Variants in C6 observed in about 807,000 individuals in gnomAD.
C6 encodes the protein complement component C6.
A neutral mutation model predicts 112.9 loss-of-function variants in C6; 101 were observed. That is an observed-to-expected ratio of 0.89 (90% CI 0.76 to 1.06). C6 has a LOEUF of 1.06. Among genes scored for constraint, C6 ranks in the 50% least tolerant of loss-of-function variants. The pLI, the probability that C6 is intolerant of heterozygous loss-of-function variation, is 0.00. For missense variants in C6, 1,202 were observed against 1,104.6 expected, an observed-to-expected ratio of 1.09 and a Z score of -1.25; for synonymous variants, 431 against 384.1, an observed-to-expected ratio of 1.12 and a Z score of -1.43.
At chr5:41,214,489 A>C (rs964821160), upstream of C6, among the ~76,000 whole-genome samples, 4 of 152,090 alleles carry the variant, frequency 2.6e-5, no homozygotes, top group African/African-American at 9.7e-5. Context: ...AGATGATCTG[A>C]TTTCCAGTCT....
intron 1 of C6, among the ~76,000 whole-genome samples, chr5:41,249,444 T>G (rs538295244): frequency 6.6e-6 from 1 of 152,340 alleles, no homozygotes; most frequent in South Asian, 2.1e-4. Context: ...TTGTATTTGC[T>G]CCTATAGATA....
intron 1 of C6, 30 bp from the exon 2 acceptor site, chr5:41,203,280 A>C: frequency 1.9e-6 from 3 of 1,610,452 alleles, no homozygotes; most frequent in Non-Finnish European, 2.5e-6. Flanking sequence ...AACACATATC[A>C]AATGCTTTTT....
At chr5:41,206,080 C>A (rs1394011254) in intron 1 of C6, among the ~76,000 whole-genome samples, 1 of 152,184 alleles carries the variant, frequency 6.6e-6, no homozygotes, top group Non-Finnish European at 1.5e-5. Context: ...GTTCTACAGC[C>A]TCCGCTGGTA....
At position 41,149,839 on chromosome 5, in the gene C6, A is replaced by C. The variant is rs528085450; in HGVS notation, c.2381+96T>G. 3.1e-4 allele frequency: 258 copies of C among 837,810 alleles called. 4 individuals carry two copies. In the South Asian group the frequency reaches 3.2e-3, roughly 10 times the overall value. The allele number at this position is 837,810 out of a possible 1,614,324, so 51.9% of individuals were successfully genotyped here. On this transcript the variant is annotated intron_variant, in intron 16 of 17. Transcript: ENST00000337836. ...GTTATGTGGAAAATTCATTTATTTCATGTCTGTGCTTCAAAAAGCTCAGCT... is the reference window on the plus strand; with the variant it reads ...GTTATGTGGAAAATTCATTTATTTCCTGTCTGTGCTTCAAAAAGCTCAGCT...
chr5:41,186,345 C>T (rs924909440), intron 5 of C6, 137 bp from the exon 6 acceptor site: 22 of 917,952 alleles, frequency 2.4e-5, no homozygotes, highest in African/African-American at 7.7e-5. Flanking sequence ...CCCACACCTC[C>T]GCTTTTTTTT....
At chr5:41,146,892 TGGGAAGATAGCAAAAAAA>T (rs1048999792) in intron 17 of C6, among the ~76,000 whole-genome samples, 20 of 151,682 alleles carry the variant, frequency 1.3e-4, no homozygotes, top group African/African-American at 4.4e-4. Flanking sequence ...AAAAAATTTG[TGGGAAGATAGCAAAAAAA>T]GGGAAGATAG....
At chr5:41,196,502 T>A (rs1373026695) in intron 4 of C6, among the ~76,000 whole-genome samples, 4 of 152,002 alleles carry the variant, frequency 2.6e-5, no homozygotes, top group African/African-American at 4.8e-5. Context: ...TATGGGAATT[T>A]TCTATATCTC....
In C6 at chr5:41,181,428, G is replaced by A. The variant is rs1477182192; in HGVS notation, c.858C>T (p.Ser286=). The part of the protein sequence containing the change: ...GSSFSVPIFY[S]SKRSENINHN... ...GGTTGATATTTTCACTTCTCTTTGAGGAATAAAAAATTGGTACACTGAAAG... is the reference window on the plus strand; with the variant it reads ...GGTTGATATTTTCACTTCTCTTTGAAGAATAAAAAATTGGTACACTGAAAG... Residue 286 remains serine, a synonymous_variant, in exon 7 of 18, where the codon TCC becomes TCT. Transcript: ENST00000337836. 2 of 1,613,598 alleles carry A rather than the reference G, an allele frequency of 1.2e-6. No individual in the cohort carries two copies. Among genetic ancestry groups the A allele is most frequent in the South Asian group, 1.1e-5 (1 of 91,072 alleles).
chr5:41,221,722 T>C (rs746856778), intron 1 of C6, among the ~76,000 whole-genome samples: 2 of 152,140 alleles, frequency 1.3e-5, no homozygotes, highest in Non-Finnish European at 2.9e-5. Flanking sequence ...TATTCAATAG[T>C]TATTCAAAAA....
intron 9 of C6, among the ~76,000 whole-genome samples, chr5:41,170,863 T>C (rs1748373467): frequency 2.0e-5 from 3 of 152,130 alleles, no homozygotes; most frequent in Non-Finnish European, 4.4e-5. Flanking sequence ...GAGTTATTTA[T>C]AATGGCAAGG....
intron 5 of C6, among the ~76,000 whole-genome samples, chr5:41,187,539 A>G (rs761057777): frequency 2.6e-5 from 4 of 152,188 alleles, no homozygotes; most frequent in Non-Finnish European, 5.9e-5. Context: ...AGGCGCTTCT[A>G]ACCAAGGGGC....
intron 1 of C6, among the ~76,000 whole-genome samples, chr5:41,231,678 A>T (rs1251632485): frequency 1.3e-5 from 2 of 152,128 alleles, no homozygotes; most frequent in African/African-American, 2.4e-5. Context: ...TTATTTTTTT[A>T]AAGTACTAAT....
intron 9 of C6, among the ~76,000 whole-genome samples, chr5:41,162,467 G>C (rs1205762995): frequency 6.6e-6 from 1 of 152,202 alleles, no homozygotes; most frequent in Non-Finnish European, 1.5e-5. Flanking sequence ...ATCAGGTTAA[G>C]AGTTGGCACA....
In C6 at chr5:41,160,259, A is replaced by G; in HGVS notation, c.1567T>C (p.Cys523Arg). The part of the protein sequence containing the change: ...EYAAKFDPCQ[C>R]APCPNNGRPT... Reference sequence around the variant, plus strand: ...CGGCCATTATTAGGGCATGGAGCACACTGGCAAGGATCGAACTTGGCTGCA... The same window carrying G: ...CGGCCATTATTAGGGCATGGAGCACGCTGGCAAGGATCGAACTTGGCTGCA... The change falls in exon 11 of 18, where the codon TGT becomes CGT. Residue 523 changes from cysteine (C) to arginine (R), a missense_variant. By Grantham distance (180) the Cys-to-Arg change is radical. Transcript: ENST00000337836. 2 of 1,613,946 alleles carry G rather than the reference A, an allele frequency of 1.2e-6. No homozygotes were observed. Among genetic ancestry groups the G allele is most frequent in the South Asian group, 1.1e-5 (1 of 91,086 alleles).
In C6 at chr5:41,142,669, T is replaced by C. The variant is rs1745455976; in HGVS notation, c.*156A>G. 1 of 677,332 alleles carries C rather than the reference T, an allele frequency of 1.5e-6. No individual in the cohort carries two copies. Among genetic ancestry groups the C allele is most frequent in the Non-Finnish European group, 2.7e-6 (1 of 374,230 alleles). 42.0% of individuals were successfully genotyped at this position (677,332 alleles called of 1,614,324 possible). A position where few individuals can be genotyped will look rare whatever the true frequency, so the allele number is the denominator to read the frequency against. On this transcript the variant is annotated 3_prime_UTR_variant, in exon 18 of 18. Coordinates refer to ENST00000337836, the MANE Select transcript of C6 (RefSeq NM_000065.5). The stretch of plus-strand genomic sequence containing the variant: ...AATAAGACATGCCCAAACAGGAGAG[T>C]CAGGGGAGAATAATGATCTCAAACT...
chr5:41,203,029 C>T, intron 2 of C6, 59 bp downstream of exon 2: 1 of 1,541,964 alleles, frequency 6.5e-7, no homozygotes, highest in East Asian at 2.2e-5. Flanking sequence ...CCTGATGTTG[C>T]TGACTTCATC....
upstream of C6, among the ~76,000 whole-genome samples, chr5:41,216,644 C>G (rs1194043184): frequency 6.6e-6 from 1 of 152,046 alleles, no homozygotes; most frequent in African/African-American, 2.4e-5. Flanking sequence ...TTTTATTTAG[C>G]TTTTATCTTT....
At chr5:41,252,893 A>T (rs543084646) in intron 1 of C6, among the ~76,000 whole-genome samples, 2 of 152,266 alleles carry the variant, frequency 1.3e-5, no homozygotes, top group Non-Finnish European at 2.9e-5. Context: ...TATACCTCAC[A>T]TTTATTGATT....
chr5:41,242,302 T>C (rs1351144062), intron 1 of C6, among the ~76,000 whole-genome samples: 1 of 152,150 alleles, frequency 6.6e-6, no homozygotes, highest in Admixed American at 6.5e-5. Flanking sequence ...GATCATCTTA[T>C]AAGCGTCTGG....
Sources: gnomAD v4.1 joint callset for allele counts (sites outside exome capture counted in the v4.1 genomes callset) on GRCh38, gnomAD v4.1.1 for gene constraint, MANE v1.5 for transcripts, NCBI Gene and HGNC (gene_info 2026-07-23, HGNC 2026-07-21) for gene names.